The following CENPW variants were observed in gnomAD, a reference collection of about 807,000 sequenced individuals.
CENPW encodes the protein centromere protein W.
Under a neutral mutation model 11.1 loss-of-function variants are expected in CENPW, and 3 were observed. That is an observed-to-expected ratio of 0.27 (90% CI 0.12 to 0.70). The LOEUF (loss-of-function observed/expected upper bound fraction) is 0.70. Among genes scored for constraint, CENPW ranks in the 30% least tolerant of loss-of-function variants. CENPW has a pLI of 0.77. For synonymous variants in CENPW, 38 were observed against 42.0 expected, an observed-to-expected ratio of 0.91 and a Z score of 0.37; for missense variants, 100 against 105.6, an observed-to-expected ratio of 0.95 and a Z score of 0.23.
the CENPW span, among the ~76,000 whole-genome samples, chr6:126,380,923 C>T: frequency 6.6e-6 from 1 of 152,168 alleles, no homozygotes; most frequent in African/African-American, 2.4e-5. Context: ...GAACCTTCTC[C>T]TAGGCGTGTG....
At chr6:126,465,019 A>G in the CENPW span, among the ~76,000 whole-genome samples, 1 of 152,144 alleles carries the variant, frequency 6.6e-6, no homozygotes, top group African/African-American at 2.4e-5. Flanking sequence ...GAGTACAATC[A>G]GGCGAGAAAA....
downstream of CENPW, among the ~76,000 whole-genome samples, chr6:126,351,898 G>T (rs566264189): frequency 2.0e-5 from 3 of 152,124 alleles, no homozygotes; most frequent in African/African-American, 7.2e-5. Context: ...ATAGCACCTT[G>T]TGGCTGTAGG....
At chr6:126,365,097 C>T in the CENPW span, among the ~76,000 whole-genome samples, 3 of 152,114 alleles carry the variant, frequency 2.0e-5, no homozygotes, top group Non-Finnish European at 4.4e-5. Flanking sequence ...TGTGAAATGA[C>T]TTAGTATTTC....
At chr6:126,427,021 A>G in the CENPW span, among the ~76,000 whole-genome samples, 6 of 152,234 alleles carry the variant, frequency 3.9e-5, no homozygotes, top group South Asian at 1.2e-3. Context: ...TGTGGAGCTA[A>G]TCACCAATAT....
chr6:126,378,129 T>G, the CENPW span, among the ~76,000 whole-genome samples: 1 of 152,148 alleles, frequency 6.6e-6, no homozygotes, highest in South Asian at 2.1e-4. Flanking sequence ...AACAGAAACT[T>G]AACTTTTCTA....
Position 126,346,207 on chromosome 6 carries a change from C to T in CENPW, c.129C>T (p.Val43=). ...LRLEKSGDLL[V]HLNCLLFVHR... ...CACTTGGATTTTCTGTTTTAAAGGT[C>T]CATCTGAACTGTTTACTGTTTGTTC... Residue 43 remains valine (V), a splice_region_variant and synonymous_variant, in exon 2 of 3, where the codon GTC becomes GTT. Coordinates refer to ENST00000368328, the MANE Select transcript of CENPW (RefSeq NM_001012507.4). 1 of 1,558,848 alleles carries T rather than the reference C, an allele frequency of 6.4e-7. No homozygotes were observed. Among genetic ancestry groups the T allele is most frequent in the Non-Finnish European group, 8.7e-7 (1 of 1,143,498 alleles).
chr6:126,413,624 A>G, the CENPW span, among the ~76,000 whole-genome samples: 7 of 152,018 alleles, frequency 4.6e-5, no homozygotes, highest in East Asian at 1.9e-4. Context: ...GATAATTACT[A>G]TCATGAAAAC....
At chr6:126,469,057 G>T in the CENPW span, among the ~76,000 whole-genome samples, 21 of 152,274 alleles carry the variant, frequency 1.4e-4, no homozygotes, top group African/African-American at 4.8e-4. Flanking sequence ...GTCCCCCAAA[G>T]TGCTGGATTA....
chr6:126,426,938 A>C, the CENPW span, among the ~76,000 whole-genome samples: 2 of 152,212 alleles, frequency 1.3e-5, no homozygotes, highest in Admixed American at 1.3e-4. Flanking sequence ...ATCATGATGC[A>C]GCTGTTCTGA....
At chr6:126,380,553 A>C in the CENPW span, among the ~76,000 whole-genome samples, 1 of 152,068 alleles carries the variant, frequency 6.6e-6, no homozygotes, top group Non-Finnish European at 1.5e-5. Context: ...GCTAAATTCT[A>C]CTCTAGCATG....
chr6:126,430,013 G>C, the CENPW span, among the ~76,000 whole-genome samples: 2 of 152,172 alleles, frequency 1.3e-5, no homozygotes, highest in East Asian at 1.9e-4. Context: ...CATGTCCTCA[G>C]ACTCCAAGGT....
chr6:126,470,318 G>A, the CENPW span, among the ~76,000 whole-genome samples: 117 of 152,348 alleles, frequency 7.7e-4, no homozygotes, highest in South Asian at 0.02. Context: ...TGGTTCAGAG[G>A]CTACAAGCCC....
chr6:126,390,275 G>T, the CENPW span, among the ~76,000 whole-genome samples: 2 of 151,756 alleles, frequency 1.3e-5, no homozygotes, highest in Non-Finnish European at 2.9e-5. Flanking sequence ...GCCTTCTTAT[G>T]ATCCATTATC....
At chr6:126,446,012 T>TA in the CENPW span, among the ~76,000 whole-genome samples, 94 of 150,516 alleles carry the variant, frequency 6.2e-4, 1 homozygote, top group Non-Finnish European at 1.1e-3. Flanking sequence ...TAAGAAAGGA[T>TA]AAAAAAAAAT....
At chr6:126,411,911 C>T in the CENPW span, among the ~76,000 whole-genome samples, 25 of 139,868 alleles carry the variant, frequency 1.8e-4, no homozygotes, top group African/African-American at 6.4e-4. Context: ...TTCCTTCCTC[C>T]CTCCCCCTCC....
chr6:126,430,597 A>G, the CENPW span, among the ~76,000 whole-genome samples: 1 of 152,144 alleles, frequency 6.6e-6, no homozygotes, highest in Non-Finnish European at 1.5e-5. Flanking sequence ...CTTTGGGAAG[A>G]GTCTGAACTC....
the CENPW span, among the ~76,000 whole-genome samples, chr6:126,386,667 C>A: frequency 6.7e-6 from 1 of 149,674 alleles, no homozygotes; most frequent in East Asian, 2.1e-4. Context: ...AGCTGCTTTG[C>A]TTTCAAATAA....
the CENPW span, among the ~76,000 whole-genome samples, chr6:126,445,696 A>G: frequency 1.5e-4 from 23 of 151,290 alleles, no homozygotes; most frequent in East Asian, 9.7e-4. Context: ...TATATAATAC[A>G]TATCTATGCA....
the CENPW span, among the ~76,000 whole-genome samples, chr6:126,388,810 C>G: frequency 6.6e-6 from 1 of 151,912 alleles, no homozygotes; most frequent in African/African-American, 2.4e-5. Context: ...TGCCTATTTA[C>G]TTTTCTGCCA....
Sources: allele counts gnomAD v4.1 joint callset (sites outside exome capture counted in the v4.1 genomes callset), GRCh38; gene constraint gnomAD v4.1.1; transcripts MANE v1.5; gene names NCBI Gene and HGNC (gene_info 2026-07-23, HGNC 2026-07-21).